EFCAB5: variants seen among roughly 807,000 people sequenced by gnomAD.
EFCAB5 encodes EF-hand calcium binding domain 5.
A neutral mutation model predicts 167.9 loss-of-function variants in EFCAB5; 131 were observed. That is an observed-to-expected ratio of 0.78 (90% CI 0.68 to 0.90). EFCAB5 has a LOEUF of 0.90. Among genes scored for constraint, EFCAB5 ranks in the 40% least tolerant of loss-of-function variants. The pLI is 0.00. For synonymous variants in EFCAB5, 574 were observed against 602.8 expected (o/e 0.95, Z 0.70); for missense variants, 1,663 against 1,745.2 (o/e 0.95, Z 0.84).
At chr17:30,103,376 A>G (rs1228968800) in intron 22 of EFCAB5, among the ~76,000 whole-genome samples, 1 of 152,034 alleles carries the variant, frequency 6.6e-6, no homozygotes, top group Non-Finnish European at 1.5e-5. Context: ...ATTTATAGCT[A>G]CATCATTTAA....
At chr17:30,010,241 A>C (rs539963960) in intron 7 of EFCAB5, among the ~76,000 whole-genome samples, 1 of 152,286 alleles carries the variant, frequency 6.6e-6, no homozygotes, top group South Asian at 2.1e-4. Flanking sequence ...AGTCCTTGGT[A>C]TTGTGAATAG....
chr17:30,012,195 C>G (rs904362756), intron 7 of EFCAB5, among the ~76,000 whole-genome samples: 7 of 152,118 alleles, frequency 4.6e-5, no homozygotes, highest in Non-Finnish European at 7.4e-5. Context: ...ACACCTGCTA[C>G]TTAGCAGATC....
chr17:30,047,751 A>T (rs2069967705), intron 8 of EFCAB5, among the ~76,000 whole-genome samples: 1 of 152,184 alleles, frequency 6.6e-6, no homozygotes, highest in South Asian at 2.1e-4. Context: ...TTATTACTGG[A>T]TCTACTTACA....
chr17:30,087,068 A>C lies in EFCAB5; in HGVS notation c.3585A>C (p.Ser1195=), dbSNP rs1399988837. The C allele has an allele frequency of 6.2e-7, 1 of 1,613,224 alleles. No individual in the cohort carries two copies. Among genetic ancestry groups the C allele is most frequent in the Non-Finnish European group, 8.5e-7 (1 of 1,179,524 alleles). Residue 1195 remains serine, a synonymous_variant, in exon 19 of 23, where the codon TCA becomes TCC. Transcript: ENST00000394835. ...AATGCCTTCCTCTTTTCAAGGATTC[A>C]GACTATGTTTTACGCAACATGATGG... ...YFVEPSPAQD[S]DYVLRNMMVT...
chr17:29,941,869 A>G (rs1165836297), intron 1 of EFCAB5, 31 bp downstream of exon 1: 1 of 1,583,442 alleles, frequency 6.3e-7, no homozygotes, highest in East Asian at 2.3e-5. Flanking sequence ...TATCACATTT[A>G]TGGGAAGATT....
chr17:30,100,383 G>A (rs1019683096), intron 22 of EFCAB5, among the ~76,000 whole-genome samples: 1 of 152,146 alleles, frequency 6.6e-6, no homozygotes, highest in African/African-American at 2.4e-5. Flanking sequence ...GGGGGAAAAA[G>A]CAAAGTCGAG....
chr17:30,031,559 C>T (rs1028478243), intron 7 of EFCAB5, among the ~76,000 whole-genome samples: 1 of 152,186 alleles, frequency 6.6e-6, no homozygotes, highest in Non-Finnish European at 1.5e-5. Context: ...CATACCATAA[C>T]TCAGTGAGGT....
chr17:29,942,330 T>C, intron 2 of EFCAB5, 28 bp downstream of exon 2: 5 of 1,537,622 alleles, frequency 3.3e-6, no homozygotes, highest in Non-Finnish European at 4.4e-6. Context: ...AAATCAGATA[T>C]TAATGCTGGA....
At chr17:30,094,796 T>C (rs2071265914) in intron 22 of EFCAB5, among the ~76,000 whole-genome samples, 1 of 152,210 alleles carries the variant, frequency 6.6e-6, no homozygotes, top group South Asian at 2.1e-4. Flanking sequence ...GGTAGCTTTG[T>C]TGGGCAGGCC....
intron 3 of EFCAB5, among the ~76,000 whole-genome samples, chr17:29,959,504 C>T (rs1005716978): frequency 6.6e-6 from 1 of 152,112 alleles, no homozygotes; most frequent in African/African-American, 2.4e-5. Context: ...TACTGCCTGG[C>T]TACCACTGAT....
At chr17:29,942,192 T>A (rs770561941) in intron 1 of EFCAB5, 48 bp from the exon 2 acceptor site, 1 of 1,497,112 alleles carries the variant, frequency 6.7e-7, no homozygotes, top group South Asian at 1.3e-5. Flanking sequence ...AGTAGTTTAA[T>A]CCACAGCTCT....
Position 30,091,853 on chromosome 17 carries a change from A to G in EFCAB5, c.3938-18A>G, listed in dbSNP as rs777542977. ...ATTAGACTGAACAGCAATGTGAGCT[A>G]TCATTTTGTTATTCCAGAGATTGAA... is the stretch of plus-strand genomic sequence containing the variant. On this transcript the variant is annotated intron_variant, in intron 20 of 22. Transcript: ENST00000394835. 2 of 1,611,602 alleles carry G rather than the reference A, an allele frequency of 1.2e-6. No homozygotes were observed. The highest frequency in any genetic ancestry group is 1.7e-5 in the Admixed American group (1 of 59,920).
chr17:30,098,098 C>T (rs1376612560), intron 22 of EFCAB5, among the ~76,000 whole-genome samples: 1 of 152,088 alleles, frequency 6.6e-6, no homozygotes, highest in East Asian at 1.9e-4. Context: ...CCACACCCAA[C>T]TAATTTTTTT....
At chr17:30,060,786 T>C (rs545211500) in intron 14 of EFCAB5, among the ~76,000 whole-genome samples, 3 of 152,330 alleles carry the variant, frequency 2.0e-5, no homozygotes, top group African/African-American at 7.2e-5. Flanking sequence ...GATTTTCACT[T>C]ATCAAATGGG....
chr17:29,948,543 T>G (rs556236416), intron 3 of EFCAB5, among the ~76,000 whole-genome samples: 4 of 152,282 alleles, frequency 2.6e-5, no homozygotes, highest in Middle Eastern at 3.4e-3. Flanking sequence ...TGTGTGTGTG[T>G]GGGTATATAC....
chr17:29,951,529 T>A (rs922373562), intron 3 of EFCAB5, among the ~76,000 whole-genome samples: 23 of 151,526 alleles, frequency 1.5e-4, no homozygotes, highest in African/African-American at 5.1e-4. Context: ...TTTTTTATTT[T>A]TTTTTTTAGT....
intron 1 of EFCAB5, chr17:29,930,350 C>A (rs2151500504): frequency 6.6e-6 from 2 of 303,272 alleles, no homozygotes; most frequent in Non-Finnish European, 1.2e-5. Flanking sequence ...CTCGGGCCGC[C>A]GCACCCTCCT....
At position 29,961,160 on chromosome 17, in the gene EFCAB5, A is replaced by T. The variant is rs542888847; in HGVS notation, c.191-7631A>T. On this transcript the variant is annotated intron_variant, in intron 3 of 22. Coordinates refer to ENST00000394835, the MANE Select transcript of EFCAB5 (RefSeq NM_198529.4). ...TTGTTTTCTTATAACCATCTTAGTA[A>T]ATGTGAAGTGGTATCTCATTGTAGT... is the stretch of plus-strand genomic sequence containing the variant. Among the ~76,000 whole-genome samples, 326 of 152,266 alleles carry T rather than the reference A, an allele frequency of 2.1e-3. 2 individuals carry two copies. Among genetic ancestry groups the T allele is most frequent in the African/African-American group, 7.7e-3 (321 of 41,556 alleles).
chr17:29,983,794 A>C (rs1226075129), intron 4 of EFCAB5, among the ~76,000 whole-genome samples: 3 of 152,174 alleles, frequency 2.0e-5, no homozygotes, highest in Admixed American at 1.3e-4. Flanking sequence ...TTTGAGTCTC[A>C]TGTACAGTGG....
Sources: allele counts gnomAD v4.1 joint callset (sites outside exome capture counted in the v4.1 genomes callset), GRCh38; gene constraint gnomAD v4.1.1; transcripts MANE v1.5; gene names NCBI Gene and HGNC (gene_info 2026-07-23, HGNC 2026-07-21).